Variants in PHLDB2 observed in about 807,000 individuals in gnomAD.
The protein encoded by PHLDB2 is pleckstrin homology like domain family B member 2, also known as pleckstrin homology-like domain family B member 2.
A neutral mutation model predicts 123.6 loss-of-function variants in PHLDB2; 71 were observed. The observed-to-expected ratio is 0.57, with a 90% CI of 0.47 to 0.70. The LOEUF is 0.70. PHLDB2 is among the 30% of genes least tolerant of loss of function. The pLI is 0.00. For missense variants in PHLDB2, 1,446 were observed against 1,519.5 expected, an observed-to-expected ratio of 0.95 and a Z score of 0.80; for synonymous variants, 547 against 541.6, an observed-to-expected ratio of 1.01 and a Z score of -0.14.
intron 2 of PHLDB2, among the ~76,000 whole-genome samples, chr3:111,897,543 T>G (rs1158810553): frequency 6.6e-6 from 1 of 152,216 alleles, no homozygotes; most frequent in Non-Finnish European, 1.5e-5. Context: ...AAATTTTTGG[T>G]TTGGATAAAT....
rs141759352 is a variant in PHLDB2 at position 111,932,139 on chromosome 3, C to T, written c.2002-130C>T. 154 of 1,000,044 alleles carry T rather than the reference C, an allele frequency of 1.5e-4. 1 individual carries two copies. The African/African-American group carries it at 1.9e-3, about 13-fold the overall frequency. 61.9% of individuals were successfully genotyped at this position (1,000,044 alleles called of 1,614,324 possible). ...CTTTATCCTAGCCACTAACAAGATA[C>T]GTTTCTACATTCATAGATTGTCCAG... On this transcript the variant is annotated intron_variant, in intron 5 of 17. Coordinates refer to ENST00000431670, the MANE Select transcript of PHLDB2 (RefSeq NM_001134438.2).
At position 111,859,381 on chromosome 3, in the gene PHLDB2, T is replaced by TG; in HGVS notation, c.-210_-209insG. ...GCAAACTGCCTGGGAGCGGGGCAGG[T>TG]CACCAACTTCGTTGCTCGAACTCCC... On this transcript the variant is annotated 5_prime_UTR_variant, in exon 1 of 18. Coordinates refer to ENST00000431670, the MANE Select transcript of PHLDB2 (RefSeq NM_001134438.2). 1 of 985,532 alleles carries TG rather than the reference T, an allele frequency of 1.0e-6. No individual in the cohort carries two copies. The highest frequency in any genetic ancestry group is 1.2e-6 in the Non-Finnish European group (1 of 830,128). 61.0% of individuals were successfully genotyped at this position (985,532 alleles called of 1,614,324 possible).
At chr3:111,765,035 A>T (rs2060056760) in intron 1 of PHLDB2, among the ~76,000 whole-genome samples, 1 of 152,242 alleles carries the variant, frequency 6.6e-6, no homozygotes, top group South Asian at 2.1e-4. Context: ...CCCTAGGGGA[A>T]CATGCCAGTG....
At chr3:111,835,130 C>G (rs1039334232) in intron 1 of PHLDB2, among the ~76,000 whole-genome samples, 1 of 152,082 alleles carries the variant, frequency 6.6e-6, no homozygotes, top group African/African-American at 2.4e-5. Context: ...TAGGCACTTG[C>G]ACATGCCTTA....
At chr3:111,902,879 T>C (rs1426143001) in intron 2 of PHLDB2, among the ~76,000 whole-genome samples, 1 of 152,156 alleles carries the variant, frequency 6.6e-6, no homozygotes, top group African/African-American at 2.4e-5. Context: ...CCTCAAGTGA[T>C]CCCCTACCTT....
At chr3:111,756,628 G>T (rs1486624680) in intron 1 of PHLDB2, among the ~76,000 whole-genome samples, 1 of 151,968 alleles carries the variant, frequency 6.6e-6, no homozygotes, top group Non-Finnish European at 1.5e-5. Flanking sequence ...TCTTTTAATT[G>T]GAGCATTTAG....
intron 16 of PHLDB2, among the ~76,000 whole-genome samples, chr3:111,972,012 G>A (rs550898358): frequency 2.6e-5 from 4 of 152,236 alleles, no homozygotes; most frequent in East Asian, 1.9e-4. Flanking sequence ...GCTTCTCTTC[G>A]CTCATAATGT....
intron 4 of PHLDB2, 36 bp from the exon 5 acceptor site, chr3:111,920,246 G>A (rs2068423951): frequency 6.3e-7 from 1 of 1,599,840 alleles, no homozygotes; most frequent in East Asian, 2.2e-5. Flanking sequence ...TATCCCCAAA[G>A]GTGAAACACT....
intron 2 of PHLDB2, among the ~76,000 whole-genome samples, chr3:111,900,864 CAGATTT>C (rs2107443784): frequency 6.6e-6 from 1 of 152,040 alleles, no homozygotes; most frequent in South Asian, 2.1e-4. Flanking sequence ...ACACTATTCT[CAGATTT>C]AGAAAGAAGA....
chr3:111,961,060 C>T (rs906311333), intron 12 of PHLDB2, among the ~76,000 whole-genome samples: 1 of 152,166 alleles, frequency 6.6e-6, no homozygotes, highest in African/African-American at 2.4e-5. Flanking sequence ...TGGCCGGGCA[C>T]GGTGGCTCAC....
intron 12 of PHLDB2, among the ~76,000 whole-genome samples, chr3:111,956,199 A>C (rs2071046746): frequency 6.6e-6 from 1 of 152,212 alleles, no homozygotes; most frequent in Admixed American, 6.5e-5. Flanking sequence ...GTCTCAAAAA[A>C]TAAATTAATA....
At chr3:111,911,470 T>G (rs116598594) in intron 2 of PHLDB2, 2 of 684,924 alleles carry the variant, frequency 2.9e-6, no homozygotes, top group Non-Finnish European at 4.8e-6. Context: ...CATGTAGACT[T>G]TTCCAGATTG....
intron 2 of PHLDB2, among the ~76,000 whole-genome samples, chr3:111,890,830 T>C (rs1207776332): frequency 6.6e-6 from 1 of 152,192 alleles, no homozygotes; most frequent in Non-Finnish European, 1.5e-5. Flanking sequence ...GATGTTTAGT[T>C]TGTTCCTTTT....
chr3:111,755,904 T>G (rs1286562170), intron 1 of PHLDB2, among the ~76,000 whole-genome samples: 2 of 151,424 alleles, frequency 1.3e-5, no homozygotes, highest in Non-Finnish European at 2.9e-5. Flanking sequence ...TTCATTTCAT[T>G]ATGTACCCAC....
In PHLDB2 at chr3:111,975,496, A is replaced by T. The variant is rs1170050610; in HGVS notation, c.*933A>T. 1 of 152,184 alleles carries T rather than the reference A, an allele frequency of 6.6e-6. No individual in the cohort carries two copies. Among genetic ancestry groups the T allele is most frequent in the Non-Finnish European group, 1.5e-5 (1 of 68,016 alleles). The allele number at this position is 152,184 out of a possible 1,614,324, so 9.4% of individuals were successfully genotyped here. A position where few individuals can be genotyped will look rare whatever the true frequency, so the allele number is the denominator to read the frequency against. The stretch of plus-strand genomic sequence containing the variant: ...CTTTTTGTTGTGGAGCACACCTGCT[A>T]ACTGCTCCCTCAACATAACTATGAA... On this transcript the variant is annotated 3_prime_UTR_variant, in exon 18 of 18. Transcript: ENST00000431670.
At chr3:111,874,304 A>G (rs1375752804) in intron 1 of PHLDB2, among the ~76,000 whole-genome samples, 3 of 152,194 alleles carry the variant, frequency 2.0e-5, no homozygotes, top group Non-Finnish European at 2.9e-5. Context: ...TTAGGCATGC[A>G]TAGCAATTAT....
At chr3:111,763,605 G>A (rs542350475) in intron 1 of PHLDB2, among the ~76,000 whole-genome samples, 1 of 152,160 alleles carries the variant, frequency 6.6e-6, no homozygotes, top group Non-Finnish European at 1.5e-5. Context: ...GCAAGGAAAA[G>A]AGCAGTGCTA....
chr3:111,931,508 T>TC (rs2069145950), intron 5 of PHLDB2, among the ~76,000 whole-genome samples: 3 of 152,334 alleles, frequency 2.0e-5, no homozygotes, highest in African/African-American at 7.2e-5. Context: ...CTGACTCTTT[T>TC]CTTTTTTTCA....
At chr3:111,927,321 G>T (rs1038300962) in intron 5 of PHLDB2, among the ~76,000 whole-genome samples, 27 of 152,242 alleles carry the variant, frequency 1.8e-4, no homozygotes, top group African/African-American at 6.5e-4. Context: ...GAGCTCAGGA[G>T]TTCAAGACCA....
Sources: allele counts gnomAD v4.1 joint callset (sites outside exome capture counted in the v4.1 genomes callset), GRCh38; gene constraint gnomAD v4.1.1; transcripts MANE v1.5; gene names NCBI Gene and HGNC (gene_info 2026-07-23, HGNC 2026-07-21).